The following COL4A3 variants were observed in gnomAD, a reference collection of about 807,000 sequenced individuals.
COL4A3 encodes the protein collagen alpha-3(IV) chain.
In COL4A3, 135 loss-of-function variants were observed where a neutral mutation model predicts 217.4. The ratio of observed to expected loss-of-function variants is 0.62; its 90% CI spans 0.54 to 0.72. The LOEUF (loss-of-function observed/expected upper bound fraction) is 0.72. Ranked by LOEUF, COL4A3 falls within the 30% of genes least tolerant of loss-of-function variation. The pLI is 0.00. For missense variants in COL4A3, 1,868 were observed against 2,119.9 expected (o/e 0.88, Z 2.33); for synonymous variants, 690 against 736.3 (o/e 0.94, Z 1.02).
intron 1 of COL4A3, among the ~76,000 whole-genome samples, chr2:227,214,199 A>G (rs1161649514): frequency 2.6e-5 from 4 of 152,224 alleles, no homozygotes; most frequent in Non-Finnish European, 2.9e-5. Context: ...CAGTAATTTG[A>G]TAATATACAA....
intron 1 of COL4A3, among the ~76,000 whole-genome samples, chr2:227,178,144 G>A (rs898731481): frequency 6.6e-6 from 1 of 152,134 alleles, no homozygotes; most frequent in Admixed American, 6.5e-5. Flanking sequence ...GGAGGCCAGG[G>A]CAAAAAGTTC....
Position 227,266,513 on chromosome 2 carries a change from G to A in COL4A3, c.1408+4G>A. The A allele has an allele frequency of 6.2e-7, 1 of 1,610,128 alleles. No individual in the cohort carries two copies. Among genetic ancestry groups the A allele is most frequent in the East Asian group, 2.2e-5 (1 of 44,828 alleles). ...CCAGGAGTTGATGGGCCCAAAGGTTGGTTCAATCAATAATGTTGTATTAGG... is the reference window on the plus strand; with the variant it reads ...CCAGGAGTTGATGGGCCCAAAGGTTAGTTCAATCAATAATGTTGTATTAGG... On this transcript the variant is annotated splice_donor_region_variant and intron_variant, in intron 22 of 51. Transcript: ENST00000396578.
rs778737711 is a variant in COL4A3, at chr2:227,303,940, C to T, written c.4027+10C>T. The T allele has an allele frequency of 3.4e-5, 55 of 1,614,096 alleles. No homozygotes were observed. Among genetic ancestry groups the T allele is most frequent in the Non-Finnish European group, 4.3e-5 (51 of 1,180,024 alleles). On this transcript the variant is annotated intron_variant, in intron 45 of 51. Coordinates refer to ENST00000396578, the MANE Select transcript of COL4A3 (RefSeq NM_000091.5). Reference sequence around the variant, plus strand: ...CCAAAAGGACCACCTGGTAAATAAACGTCCTTACTATTGCTGTCAATGAAG... The same window carrying T: ...CCAAAAGGACCACCTGGTAAATAAATGTCCTTACTATTGCTGTCAATGAAG...
chr2:227,274,275 T>TAAATAAATAAATAAATA (rs2071423272), intron 26 of COL4A3, among the ~76,000 whole-genome samples: 1 of 73,810 alleles, frequency 1.4e-5, no homozygotes, highest in Non-Finnish European at 4.0e-5. Flanking sequence ...ATAAATAAAT[T>TAAATAAATAAATAAATA]TTAAAAATCA....
chr2:227,261,005 G>A, intron 19 of COL4A3, 77 bp from the exon 20 acceptor site: 5 of 1,176,796 alleles, frequency 4.2e-6, no homozygotes, highest in East Asian at 2.3e-5. Context: ...TCAGTATATT[G>A]TCACCCAAGA....
At chr2:227,239,746 C>T (rs1470299666) in intron 2 of COL4A3, among the ~76,000 whole-genome samples, 5 of 152,214 alleles carry the variant, frequency 3.3e-5, no homozygotes, top group Non-Finnish European at 1.5e-5. Flanking sequence ...TATGCACACT[C>T]CCCAGGCACC....
At chr2:227,193,346 A>G (rs1311111958) in intron 1 of COL4A3, among the ~76,000 whole-genome samples, 2 of 152,198 alleles carry the variant, frequency 1.3e-5, no homozygotes, top group East Asian at 3.9e-4. Flanking sequence ...TTCCTAAATA[A>G]CTCTTAGTTT....
At chr2:227,235,735 T>A (rs573191117) in intron 1 of COL4A3, among the ~76,000 whole-genome samples, 391 of 151,934 alleles carry the variant, frequency 2.6e-3, no homozygotes, top group Non-Finnish European at 4.3e-3. Flanking sequence ...TGGTCTCCAA[T>A]TCCATCCAGG....
intron 1 of COL4A3, among the ~76,000 whole-genome samples, chr2:227,197,102 C>T (rs144906125): frequency 6.6e-5 from 10 of 152,270 alleles, no homozygotes; most frequent in South Asian, 2.1e-4. Context: ...TTTCGCCTTC[C>T]GCCATGATTG....
At chr2:227,286,663 T>TAGG (rs897510131) in intron 34 of COL4A3, among the ~76,000 whole-genome samples, 4 of 152,096 alleles carry the variant, frequency 2.6e-5, no homozygotes, top group Admixed American at 6.5e-5. Context: ...CAGAGCTCTG[T>TAGG]AGGAGTTGAG....
chr2:227,181,012 G>T (rs1382148250), intron 1 of COL4A3, among the ~76,000 whole-genome samples: 1 of 152,112 alleles, frequency 6.6e-6, no homozygotes, highest in African/African-American at 2.4e-5. Flanking sequence ...ATTAAAAAAT[G>T]AGCAGAGTAT....
chr2:227,262,996 CCT>C (rs776702088), intron 20 of COL4A3, among the ~76,000 whole-genome samples: 1 of 151,792 alleles, frequency 6.6e-6, no homozygotes, highest in Non-Finnish European at 1.5e-5. Flanking sequence ...TCAAAAATAC[CCT>C]GACATGATCA....
chr2:227,250,338 TGATAGATAGATAGATAGATAGATAGATA>T lies in COL4A3; in HGVS notation c.547-781_547-754del, dbSNP rs59489597. The stretch of plus-strand genomic sequence containing the variant: ...AAAAAATAGGTAGATAGATAAAAGA[TGATAGATAGATAGATAGATAGATAGATA>T]GATAGATAGATAGATAGATATTTAA... On this transcript the variant is annotated intron_variant, in intron 9 of 51. Transcript: ENST00000396578. This position sits in a 1 kb window ranked among gnomAD's most constrained non-coding sequence, Gnocchi z 4.1. 3.4e-5 allele frequency among the ~76,000 whole-genome samples: 5 copies of T among 146,610 alleles called. No homozygotes were observed. In the East Asian group the frequency reaches 1.0e-3, roughly 30 times the overall value.
chr2:227,263,775 C>A lies in COL4A3; in HGVS notation c.1151-5C>A. 6.2e-7 allele frequency: 1 copy of A among 1,612,892 alleles called. No homozygotes were observed. Among genetic ancestry groups the A allele is most frequent in the African/African-American group, 1.3e-5 (1 of 74,996 alleles). ...AAAATACAAGAAATGATTATTTTCT[C>A]CAAGGATCATCAAGGCCTGGCCTCA... On this transcript the variant is annotated splice_region_variant and splice_polypyrimidine_tract_variant and intron_variant, in intron 20 of 51. Transcript: ENST00000396578.
intron 1 of COL4A3, among the ~76,000 whole-genome samples, chr2:227,167,300 G>A (rs1470832338): frequency 2.0e-5 from 3 of 152,170 alleles, no homozygotes; most frequent in Non-Finnish European, 2.9e-5. Flanking sequence ...TTGTTTAGAC[G>A]GGGTGGAACT....
intron 21 of COL4A3, among the ~76,000 whole-genome samples, chr2:227,265,644 A>C (rs1345574647): frequency 6.6e-6 from 1 of 152,290 alleles, no homozygotes; most frequent in Non-Finnish European, 1.5e-5. Flanking sequence ...GTCAGAATCC[A>C]TTTTTCTTTT....
At chr2:227,220,136 A>ATATGTGTGTG (rs1553743817) in intron 1 of COL4A3, among the ~76,000 whole-genome samples, 2 of 127,088 alleles carry the variant, frequency 1.6e-5, no homozygotes, top group Non-Finnish European at 3.1e-5. Context: ...AGGCGGTTTT[A>ATATGTGTGTG]TGTGTGTGTG....
rs116384264 is a variant in COL4A3, at chr2:227,212,668, A to G, written c.88-25300A>G. 4.0e-3 allele frequency among the ~76,000 whole-genome samples: 606 copies of G among 152,336 alleles called. 2 individuals are homozygous for G. The highest frequency in any genetic ancestry group is 0.014 in the African/African-American group (583 of 41,574). On this transcript the variant is annotated intron_variant, in intron 1 of 51. Transcript: ENST00000396578. Reference sequence around the variant, plus strand: ...ATCTTAATTACTATAATTTTATACTATAAGTGTTGGAATCTAGAAGGGCAA... The same window carrying G: ...ATCTTAATTACTATAATTTTATACTGTAAGTGTTGGAATCTAGAAGGGCAA...
chr2:227,194,698 G>A (rs902131947), intron 1 of COL4A3, among the ~76,000 whole-genome samples: 1 of 151,932 alleles, frequency 6.6e-6, no homozygotes, highest in African/African-American at 2.4e-5. Flanking sequence ...AAATTAAAGG[G>A]GGAAATTAAG....
Sources: allele counts gnomAD v4.1 joint callset (sites outside exome capture counted in the v4.1 genomes callset), GRCh38; gene constraint gnomAD v4.1.1; non-coding constraint Gnocchi (gnomAD v3.1); transcripts MANE v1.5; gene names NCBI Gene and HGNC (gene_info 2026-07-23, HGNC 2026-07-21).